Variants in GCGR observed in about 807,000 individuals in gnomAD.
The protein encoded by GCGR is glucagon receptor.
Under a neutral mutation model 56.1 loss-of-function variants are expected in GCGR, and 41 were observed. The observed-to-expected ratio is 0.73, with a 90% CI of 0.57 to 0.95. The LOEUF is 0.95. Ranked by LOEUF, GCGR falls within the 40% of genes least tolerant of loss-of-function variation. The pLI is 0.00. For missense variants in GCGR, 595 were observed against 638.2 expected, an observed-to-expected ratio of 0.93 and a Z score of 0.73; for synonymous variants, 278 against 271.1, an observed-to-expected ratio of 1.03 and a Z score of -0.25.
In GCGR at chr17:81,811,421, G is replaced by A. The variant is rs867051527; in HGVS notation, c.518G>A (p.Arg173His). Residue 173 changes from arginine (R) to histidine (H), a missense_variant, in exon 7 of 14, where the codon CGC (arginine) becomes CAC (histidine). Arg to His is a conservative substitution (Grantham distance 29, BLOSUM62 0). Transcript: ENST00000400723. The surrounding 1 kb of genome is among the most constrained non-coding windows in gnomAD (Gnocchi z 5.8). ...LGGLSKLHCT[R>H]NAIHANLFAS... ...GCCCACAGCAAGCTGCACTGCACCC[G>A]CAATGCCATCCACGCGAATCTGTTT... The A allele has an allele frequency of 1.2e-5, 18 of 1,536,368 alleles. No individual in the cohort carries two copies. Among genetic ancestry groups the A allele is most frequent in the Non-Finnish European group, 1.5e-5 (17 of 1,146,862 alleles).
Position 81,811,240 on chromosome 17 carries a change from T to C in GCGR, c.412T>C (p.Tyr138His). Reference protein sequence around the residue: ...IEVQKEVAKMYSSFQVMYTVG... With the variant: ...IEVQKEVAKMHSSFQVMYTVG... ...CTCGCAGAAGGAGGTGGCCAAGATG[T>C]ACAGCAGCTTCCAGGTGATGTACAC... The change falls in exon 6 of 14, where the codon TAC (tyrosine) becomes CAC (histidine). Residue 138 changes from tyrosine (Y) to histidine (H), a missense_variant. Transcript: ENST00000400723. This position sits in a 1 kb window ranked among gnomAD's most constrained non-coding sequence, Gnocchi z 5.8. 6.5e-7 allele frequency: 1 copy of C among 1,536,200 alleles called. No individual in the cohort carries two copies. Among genetic ancestry groups the C allele is most frequent in the East Asian group, 2.4e-5 (1 of 40,902 alleles).
At chr17:81,809,220 C>A in intron 2 of GCGR, 142 bp downstream of exon 2, 1 of 987,618 alleles carries the variant, frequency 1.0e-6, no homozygotes, top group South Asian at 1.6e-5. Context: ...ATCTGCCTGT[C>A]TGTCTGCCTG....
intron 2 of GCGR, among the ~76,000 whole-genome samples, chr17:81,809,487 C>CTGGTTG (rs2038041211): frequency 6.9e-6 from 1 of 143,960 alleles, no homozygotes. Context: ...GCCTGCCTGT[C>CTGGTTG]CGTCTGCCTG....
Position 81,813,098 on chromosome 17 carries a change from C to T in GCGR, c.1218+41C>T, listed in dbSNP as rs776471162. On this transcript the variant is annotated intron_variant, in intron 13 of 13. Transcript: ENST00000400723. The surrounding 1 kb of genome is among the most constrained non-coding windows in gnomAD (Gnocchi z 5.3). ...GGCATCTGAGACCATCAGCACTGGC[C>T]GTCGGGGTCAGGGGCAGAGAGAGGC... 3.3e-5 allele frequency: 50 copies of T among 1,534,668 alleles called. 1 individual carries two copies. The South Asian group carries it at 3.8e-4, about 12-fold the overall frequency.
rs914811249 is a variant in GCGR, at chr17:81,811,394, G to A, written c.501-10G>A. The A allele has an allele frequency of 3.3e-6, 5 of 1,536,224 alleles. No individual in the cohort carries two copies. Among genetic ancestry groups the A allele is most frequent in the South Asian group, 1.2e-5 (1 of 84,066 alleles). On this transcript the variant is annotated splice_polypyrimidine_tract_variant and intron_variant, in intron 6 of 13. Coordinates refer to ENST00000400723, the MANE Select transcript of GCGR (RefSeq NM_000160.5). The surrounding 1 kb of genome is among the most constrained non-coding windows in gnomAD (Gnocchi z 5.8). ...GGAGGAGGACGGGCGCTGACTGGCT[G>A]TGCCCACAGCAAGCTGCACTGCACC... is the stretch of plus-strand genomic sequence containing the variant.
Position 81,809,171 on chromosome 17 carries a change from T to C in GCGR, c.60+93T>C, listed in dbSNP as rs368394398. ...GTCTGCCTGCCTGCCTGCCTGCCTG[T>C]CTGCCTGCCTGTCTGTCTGTCTGCC... On this transcript the variant is annotated intron_variant, in intron 2 of 13. Transcript: ENST00000400723. 315 of 1,407,994 alleles carry C rather than the reference T, an allele frequency of 2.2e-4. 1 individual carries two copies. The highest frequency in any genetic ancestry group is 6.2e-4 in the Admixed American group (30 of 48,486). The allele number at this position is 1,407,994 out of a possible 1,614,324, so 87.2% of individuals were successfully genotyped here.
At position 81,811,997 on chromosome 17, in the gene GCGR, C is replaced by A; in HGVS notation, c.878+51C>A. 1 of 1,532,996 alleles carries A rather than the reference C, an allele frequency of 6.5e-7. No homozygotes were observed. Among genetic ancestry groups the A allele is most frequent in the Non-Finnish European group, 8.7e-7 (1 of 1,144,420 alleles). 95.0% of individuals were successfully genotyped at this position (1,532,996 alleles called of 1,614,324 possible). On this transcript the variant is annotated intron_variant, in intron 9 of 13. Transcript: ENST00000400723. This position sits in a 1 kb window ranked among gnomAD's most constrained non-coding sequence, Gnocchi z 5.8. ...GGGGAGGGACCGGGGGGCTGGGGTG[C>A]GGCGCTCTGGCCTGAGGCAGGGAGG...
chr17:81,812,765 C>T lies in GCGR; in HGVS notation c.1038-42C>T, dbSNP rs940848860. The T allele has an allele frequency of 2.3e-5, 35 of 1,532,706 alleles. No individual in the cohort carries two copies. The highest frequency in any genetic ancestry group is 2.8e-5 in the Non-Finnish European group (32 of 1,144,840). The allele number at this position is 1,532,706 out of a possible 1,614,324, so 94.9% of individuals were successfully genotyped here. A position where few individuals can be genotyped will look rare whatever the true frequency, so the allele number is the denominator to read the frequency against. ...CAAGCTCCACGTGGATGGTGCGGGC[C>T]GAGGGTGGGGGCGGTGGGTGACTCA... is the stretch of plus-strand genomic sequence containing the variant. On this transcript the variant is annotated intron_variant, in intron 11 of 13. Transcript: ENST00000400723. The surrounding 1 kb of genome is among the most constrained non-coding windows in gnomAD (Gnocchi z 8.5).
rs1269119839 is a variant in GCGR at position 81,811,261 on chromosome 17, T to A, written c.433T>A (p.Tyr145Asn). Residue 145 changes from tyrosine (Y) to asparagine (N), a missense_variant, in exon 6 of 14, where the codon TAC becomes AAC. Transcript: ENST00000400723. This position sits in a 1 kb window ranked among gnomAD's most constrained non-coding sequence, Gnocchi z 5.8. ...AKMYSSFQVMYTVGYSLSLGA... is the reference protein window; with the variant it reads ...AKMYSSFQVMNTVGYSLSLGA... ...GATGTACAGCAGCTTCCAGGTGATG[T>A]ACACAGTGGGCTACAGCCTGTCCCT... The A allele has an allele frequency of 6.5e-7, 1 of 1,536,064 alleles. No individual in the cohort carries two copies. The highest frequency in any genetic ancestry group is 8.7e-7 in the Non-Finnish European group (1 of 1,146,790).
rs1456543671 is a variant in GCGR at position 81,806,720 on chromosome 17, A to G, written c.-177-2122A>G. Among the ~76,000 whole-genome samples the G allele has an allele frequency of 6.6e-6, 1 of 152,020 alleles. No individual in the cohort carries two copies. Among genetic ancestry groups the G allele is most frequent in the Non-Finnish European group, 1.5e-5 (1 of 67,970 alleles). ...GCCAGGCTTGGCCACGCTGGGCTCTAAGGGGCTGTCATTTTGCCCAGGGAG... is the reference window on the plus strand; with the variant it reads ...GCCAGGCTTGGCCACGCTGGGCTCTGAGGGGCTGTCATTTTGCCCAGGGAG... On this transcript the variant is annotated intron_variant, in intron 1 of 13. Transcript: ENST00000400723. The surrounding 1 kb of genome is among the most constrained non-coding windows in gnomAD (Gnocchi z 6.5).
rs1408375995 is a variant in GCGR at position 81,808,992 on chromosome 17, G to A, written c.-27G>A. 2.1e-5 allele frequency: 33 copies of A among 1,535,540 alleles called. No individual in the cohort carries two copies. The highest frequency in any genetic ancestry group is 2.8e-5 in the Non-Finnish European group (32 of 1,146,694). ...CCCAGCTGTGCAGCCCCTGCCAGAT[G>A]TGGGAGGCAGCTAGCTGCCCAGAGG... On this transcript the variant is annotated 5_prime_UTR_variant, in exon 2 of 14. In the 5' UTR this introduces an upstream ATG that the reference lacks. Transcript: ENST00000400723.
At position 81,806,317 on chromosome 17, in the gene GCGR, C is replaced by T. The variant is rs1050668326; in HGVS notation, c.-178+2068C>T. Reference sequence around the variant, plus strand: ...TGCCTCCCACCTCACCTCTTGTATTCAGAGGCCCTGACCCCTAGGGATCCG... The same window carrying T: ...TGCCTCCCACCTCACCTCTTGTATTTAGAGGCCCTGACCCCTAGGGATCCG... On this transcript the variant is annotated intron_variant, in intron 1 of 13. Transcript: ENST00000400723. The surrounding 1 kb of genome is among the most constrained non-coding windows in gnomAD (Gnocchi z 6.5). Among the ~76,000 whole-genome samples the T allele has an allele frequency of 2.0e-5, 3 of 152,194 alleles. No individual in the cohort carries two copies. Among genetic ancestry groups the T allele is most frequent in the Non-Finnish European group, 2.9e-5 (2 of 68,018 alleles).
rs969425527 is a variant in GCGR, at chr17:81,813,357, C to T, written c.1219-117C>T. On this transcript the variant is annotated intron_variant, in intron 13 of 13. Transcript: ENST00000400723. This position sits in a 1 kb window ranked among gnomAD's most constrained non-coding sequence, Gnocchi z 5.3. ...GCTGTGCCCAGCAGGGAGCTTGTGT[C>T]GCTCTGCACCCCTCAGAGCGGAGAC... The T allele has an allele frequency of 1.9e-5, 20 of 1,029,692 alleles. No homozygotes were observed. The highest frequency in any genetic ancestry group is 4.8e-5 in the African/African-American group (3 of 62,518). 63.8% of individuals were successfully genotyped at this position (1,029,692 alleles called of 1,614,324 possible).
At position 81,808,981 on chromosome 17, in the gene GCGR, C is replaced by T; in HGVS notation, c.-38C>T. ...GACTGCATTGCCCCAGCTGTGCAGC[C>T]CCTGCCAGATGTGGGAGGCAGCTAG... is the stretch of plus-strand genomic sequence containing the variant. On this transcript the variant is annotated 5_prime_UTR_variant, in exon 2 of 14. Coordinates refer to ENST00000400723, the MANE Select transcript of GCGR (RefSeq NM_000160.5). 6.5e-7 allele frequency: 1 copy of T among 1,535,064 alleles called. No individual in the cohort carries two copies. The highest frequency in any genetic ancestry group is 8.7e-7 in the Non-Finnish European group (1 of 1,146,228).
Position 81,813,486 on chromosome 17 carries a change from C to T in GCGR, c.1231C>T (p.Leu411=). The stretch of plus-strand genomic sequence containing the variant: ...TCCCCCTCCCCAGGTGCAGTCGGAG[C>T]TGCGGCGGCGTTGGCACCGCTGGCG... ...CFLNKEVQSE[L]RRRWHRWRLG... Residue 411 remains leucine (L), a synonymous_variant, in exon 14 of 14, where the codon CTG becomes TTG. Transcript: ENST00000400723. The surrounding 1 kb of genome is among the most constrained non-coding windows in gnomAD (Gnocchi z 5.3). The T allele has an allele frequency of 6.5e-7, 1 of 1,535,050 alleles. No individual in the cohort carries two copies. Among genetic ancestry groups the T allele is most frequent in the Non-Finnish European group, 8.7e-7 (1 of 1,146,704 alleles).
At position 81,813,562 on chromosome 17, in the gene GCGR, C is replaced by T. The variant is rs2038150020; in HGVS notation, c.1307C>T (p.Ser436Leu). The T allele has an allele frequency of 6.5e-7, 1 of 1,536,306 alleles. No individual in the cohort carries two copies. Among genetic ancestry groups the T allele is most frequent in the Non-Finnish European group, 8.7e-7 (1 of 1,146,834 alleles). Residue 436 changes from serine (S) to leucine (L), a missense_variant, in exon 14 of 14, where the codon TCA (serine) becomes TTA (leucine). Ser to Leu is a moderately radical substitution (Grantham distance 145). Coordinates refer to ENST00000400723, the MANE Select transcript of GCGR (RefSeq NM_000160.5). This position sits in a 1 kb window ranked among gnomAD's most constrained non-coding sequence, Gnocchi z 5.3. Reference sequence around the variant, plus strand: ...CGGAACACCAGCAACCACAGGGCCTCATCTTCGCCCGGCCACGGCCCTCCC... The same window carrying T: ...CGGAACACCAGCAACCACAGGGCCTTATCTTCGCCCGGCCACGGCCCTCCC... ...EERNTSNHRA[S>L]SSPGHGPPSK...
chr17:81,810,758 C>T lies in GCGR; in HGVS notation c.164-67C>T. On this transcript the variant is annotated intron_variant, in intron 3 of 13. Coordinates refer to ENST00000400723, the MANE Select transcript of GCGR (RefSeq NM_000160.5). This position sits in a 1 kb window ranked among gnomAD's most constrained non-coding sequence, Gnocchi z 4.6. ...AGGCTTCCAGAGAGAGGAGAGAGGC[C>T]TGCTGAGGGAGCCCCTTCTCCCACC... 7.1e-7 allele frequency: 1 copy of T among 1,417,958 alleles called. No homozygotes were observed. The highest frequency in any genetic ancestry group is 9.6e-7 in the Non-Finnish European group (1 of 1,040,210). The allele number at this position is 1,417,958 out of a possible 1,614,324, so 87.8% of individuals were successfully genotyped here. A position where few individuals can be genotyped will look rare whatever the true frequency, so the allele number is the denominator to read the frequency against.
intron 1 of GCGR, chr17:81,805,029 G>A (rs2037924644): frequency 6.6e-6 from 1 of 152,488 alleles, no homozygotes. Context: ...AGGGCGCAGG[G>A]ATAGGGCTTT....
At position 81,810,682 on chromosome 17, in the gene GCGR, G is replaced by T. The variant is rs967036982; in HGVS notation, c.164-143G>T. 3.0e-5 allele frequency: 22 copies of T among 738,452 alleles called. No homozygotes were observed. The highest frequency in any genetic ancestry group is 5.0e-5 in the Non-Finnish European group (22 of 441,424). The allele number at this position is 738,452 out of a possible 1,614,324, so 45.7% of individuals were successfully genotyped here. A position where few individuals can be genotyped will look rare whatever the true frequency, so the allele number is the denominator to read the frequency against. ...CAGATGGGGGAGGTGGAGGTCAAGT[G>T]GGGGAGGGAGCAGCCCAGGCCATGT... On this transcript the variant is annotated intron_variant, in intron 3 of 13. Transcript: ENST00000400723. The surrounding 1 kb of genome is among the most constrained non-coding windows in gnomAD (Gnocchi z 4.6).
Sources: allele counts gnomAD v4.1 joint callset (sites outside exome capture counted in the v4.1 genomes callset), GRCh38; gene constraint gnomAD v4.1.1; non-coding constraint Gnocchi (gnomAD v3.1); transcripts MANE v1.5; gene names NCBI Gene and HGNC (gene_info 2026-07-23, HGNC 2026-07-21).